RPS6KC1: variants seen among roughly 807,000 people sequenced by gnomAD.
RPS6KC1 encodes the protein inactive ribosomal protein S6 kinase delta-1.
A neutral mutation model predicts 103.8 loss-of-function variants in RPS6KC1; 54 were observed. The observed-to-expected ratio is 0.52, with a 90% CI of 0.42 to 0.65. The LOEUF is 0.65. Ranked by LOEUF, RPS6KC1 falls within the 30% of genes least tolerant of loss-of-function variation. The pLI is 0.00. For missense variants in RPS6KC1, 1,151 were observed against 1,253.8 expected (o/e 0.92, Z 1.24); for synonymous variants, 439 against 438.7 (o/e 1.00, Z -0.01).
chr1:213,699,096 A>C, the RPS6KC1 span, among the ~76,000 whole-genome samples: 2 of 152,096 alleles, frequency 1.3e-5, no homozygotes, highest in Admixed American at 6.6e-5. Context: ...TAAACAATTA[A>C]ATTATTATTG....
At chr1:213,408,714 C>T in the RPS6KC1 span, among the ~76,000 whole-genome samples, 232 of 152,342 alleles carry the variant, frequency 1.5e-3, no homozygotes, top group Non-Finnish European at 2.7e-3. Flanking sequence ...TCTGTTTCTC[C>T]ATACACACAG....
the RPS6KC1 span, among the ~76,000 whole-genome samples, chr1:213,396,673 T>C: frequency 7.9e-5 from 12 of 152,344 alleles, no homozygotes; most frequent in East Asian, 2.3e-3. Context: ...TGTCTGTACA[T>C]GCTCTCCTCT....
At chr1:213,145,526 A>G (rs563132405) in intron 6 of RPS6KC1, among the ~76,000 whole-genome samples, 1 of 152,216 alleles carries the variant, frequency 6.6e-6, no homozygotes, top group South Asian at 2.1e-4. Context: ...GAGACCAAAA[A>G]AGATATCCCA....
the RPS6KC1 span, among the ~76,000 whole-genome samples, chr1:213,568,189 G>C: frequency 2.6e-5 from 4 of 152,240 alleles, no homozygotes; most frequent in South Asian, 8.3e-4. Flanking sequence ...TGTAAAGATA[G>C]AGCAACCAGC....
rs145866634 is a variant in RPS6KC1, at chr1:213,078,159, T to G, written c.262+343T>G. ...CTCATTTTGTATGTTTCCCTGACACTTTGCTTATAGTATGAATGGTGTGGT... is the reference window on the plus strand; with the variant it reads ...CTCATTTTGTATGTTTCCCTGACACGTTGCTTATAGTATGAATGGTGTGGT... On this transcript the variant is annotated intron_variant, in intron 3 of 14. Transcript: ENST00000366960. 9.2e-5 allele frequency among the ~76,000 whole-genome samples: 14 copies of G among 152,134 alleles called. No homozygotes were observed. The East Asian group carries it at 2.7e-3, about 29-fold the overall frequency.
chr1:213,791,097 C>T, the RPS6KC1 span, among the ~76,000 whole-genome samples: 1 of 118,988 alleles, frequency 8.4e-6, no homozygotes, highest in East Asian at 2.5e-4. Context: ...AATGTTACAC[C>T]TATTCAATAA....
the RPS6KC1 span, among the ~76,000 whole-genome samples, chr1:213,368,669 G>C: frequency 6.6e-6 from 1 of 152,154 alleles, no homozygotes; most frequent in Non-Finnish European, 1.5e-5. Context: ...AGCTTTAGGG[G>C]AAATGGCAGC....
downstream of RPS6KC1, among the ~76,000 whole-genome samples, chr1:213,275,205 T>C (rs1001071959): frequency 6.6e-6 from 1 of 152,266 alleles, no homozygotes; most frequent in African/African-American, 2.4e-5. Context: ...GCCATTCATC[T>C]GTCAGTAGAC....
At chr1:213,757,152 A>G in the RPS6KC1 span, among the ~76,000 whole-genome samples, 2 of 152,178 alleles carry the variant, frequency 1.3e-5, no homozygotes, top group Non-Finnish European at 2.9e-5. Context: ...CACAGCAGCC[A>G]CTAAATGTTC....
the RPS6KC1 span, among the ~76,000 whole-genome samples, chr1:213,529,667 G>C: frequency 6.6e-6 from 1 of 152,138 alleles, no homozygotes; most frequent in Admixed American, 6.5e-5. Flanking sequence ...AACTTATTCT[G>C]GTTCACCCAG....
chr1:213,445,488 A>G, the RPS6KC1 span, among the ~76,000 whole-genome samples: 1 of 152,168 alleles, frequency 6.6e-6, no homozygotes, highest in Non-Finnish European at 1.5e-5. Flanking sequence ...CACCTTATTT[A>G]TCTTTTCAGT....
chr1:213,055,718 A>G (rs1042133151), intron 1 of RPS6KC1, among the ~76,000 whole-genome samples: 2 of 152,196 alleles, frequency 1.3e-5, no homozygotes, highest in Non-Finnish European at 2.9e-5. Context: ...TCTGGTTTCT[A>G]CAAAAATGCC....
At chr1:213,569,041 C>G in the RPS6KC1 span, among the ~76,000 whole-genome samples, 1 of 152,184 alleles carries the variant, frequency 6.6e-6, no homozygotes, top group Non-Finnish European at 1.5e-5. Context: ...TCCCTTCCCC[C>G]CTCCCCAGTG....
At chr1:213,618,877 G>A in the RPS6KC1 span, among the ~76,000 whole-genome samples, 1 of 152,220 alleles carries the variant, frequency 6.6e-6, no homozygotes. Flanking sequence ...CAGGTTGGAG[G>A]GATACAAAAA....
chr1:213,614,480 G>A, the RPS6KC1 span, among the ~76,000 whole-genome samples: 7 of 152,186 alleles, frequency 4.6e-5, no homozygotes, highest in Admixed American at 4.6e-4. Flanking sequence ...CTCAAAACCA[G>A]AACTCTGAGG....
At chr1:213,234,292 T>A (rs2094175131) in intron 10 of RPS6KC1, among the ~76,000 whole-genome samples, 1 of 152,034 alleles carries the variant, frequency 6.6e-6, no homozygotes, top group Admixed American at 6.6e-5. Flanking sequence ...ATTGCAGGGG[T>A]GAGCCACCAC....
the RPS6KC1 span, among the ~76,000 whole-genome samples, chr1:213,532,567 C>T: frequency 1.3e-5 from 2 of 152,182 alleles, no homozygotes; most frequent in Non-Finnish European, 1.5e-5. Context: ...CGTCTTCCTC[C>T]CCGTTCTCCA....
the RPS6KC1 span, among the ~76,000 whole-genome samples, chr1:213,724,772 A>T: frequency 6.6e-6 from 1 of 151,740 alleles, no homozygotes; most frequent in East Asian, 1.9e-4. Context: ...AAATTTGACG[A>T]CTCCATTAAT....
the RPS6KC1 span, among the ~76,000 whole-genome samples, chr1:213,603,411 A>G: frequency 2.6e-5 from 4 of 152,340 alleles, no homozygotes; most frequent in Middle Eastern, 6.8e-3. Flanking sequence ...AGAAGTTAGG[A>G]CCAGGAACCA....
Sources: allele counts gnomAD v4.1 joint callset (sites outside exome capture counted in the v4.1 genomes callset), GRCh38; gene constraint gnomAD v4.1.1; transcripts MANE v1.5; gene names NCBI Gene and HGNC (gene_info 2026-07-23, HGNC 2026-07-21).